FBXO30: variants seen among roughly 807,000 people sequenced by gnomAD.
FBXO30 encodes the protein F-box protein 30.
FBXO30 carries 21 observed loss-of-function variants against 58.1 expected under a neutral mutation model. That is an observed-to-expected ratio of 0.36 (90% CI 0.26 to 0.52). FBXO30 has a LOEUF of 0.52. Ranked by LOEUF, FBXO30 falls within the 20% of genes least tolerant of loss-of-function variation. FBXO30 has a pLI of 0.93. For missense variants in FBXO30, 744 were observed against 897.3 expected (o/e 0.83, Z 2.18); for synonymous variants, 309 against 312.4 (o/e 0.99, Z 0.11).
Position 145,796,955 on chromosome 6 carries a change from T to C in FBXO30, c.*3151A>G, listed in dbSNP as rs561633614. On this transcript the variant is annotated 3_prime_UTR_variant, in exon 3 of 3. Coordinates refer to ENST00000237281, the MANE Select transcript of FBXO30 (RefSeq NM_032145.5). ...GAGTCAAAGATCAAAAAAGATTCTA[T>C]ACTACTTGTAAACAAGAGATCCAAT... 3.9e-5 allele frequency: 6 copies of C among 152,070 alleles called. No homozygotes were observed. The highest frequency in any genetic ancestry group is 3.4e-3 in the Middle Eastern group (1 of 294). 9.4% of individuals were successfully genotyped at this position (152,070 alleles called of 1,614,324 possible).
rs1777823117 is a variant in FBXO30, at chr6:145,794,057, C to G, written c.*6049G>C. On this transcript the variant is annotated 3_prime_UTR_variant, in exon 3 of 3. Transcript: ENST00000237281. ...GGCACATTCACAATGTGCAACTATC[C>G]CCACTATCTTGTTCTACAATATTTT... The G allele has an allele frequency of 6.6e-6, 1 of 151,862 alleles. No homozygotes were observed. The highest frequency in any genetic ancestry group is 1.5e-5 in the Non-Finnish European group (1 of 67,846). The allele number at this position is 151,862 out of a possible 1,614,324, so 9.4% of individuals were successfully genotyped here.
Position 145,795,785 on chromosome 6 carries a change from G to A in FBXO30, c.*4321C>T, listed in dbSNP as rs1352937867. The A allele has an allele frequency of 1.3e-5, 2 of 151,760 alleles. No homozygotes were observed. The highest frequency in any genetic ancestry group is 3.0e-5 in the Non-Finnish European group (2 of 67,794). 9.4% of individuals were successfully genotyped at this position (151,760 alleles called of 1,614,324 possible). A position where few individuals can be genotyped will look rare whatever the true frequency, so the allele number is the denominator to read the frequency against. On this transcript the variant is annotated 3_prime_UTR_variant, in exon 3 of 3. Coordinates refer to ENST00000237281, the MANE Select transcript of FBXO30 (RefSeq NM_032145.5). ...TGTATCGCCATTAATACATCTCAAG[G>A]TGTACTGGCCAATTATGAAGATTAT... is the stretch of plus-strand genomic sequence containing the variant.
At chr6:145,801,016 C>T (rs1230678568) in intron 2 of FBXO30, among the ~76,000 whole-genome samples, 1 of 152,136 alleles carries the variant, frequency 6.6e-6, no homozygotes, top group Non-Finnish European at 1.5e-5. Flanking sequence ...ATATTAGCTA[C>T]TTCCCTTTTT....
Position 145,805,643 on chromosome 6 carries a change from T to C in FBXO30, c.763A>G (p.Thr255Ala), listed in dbSNP as rs769065231. Residue 255 changes from threonine (T) to alanine (A), a missense_variant, in exon 2 of 3, where the codon ACA becomes GCA. Thr to Ala is a moderately conservative substitution (Grantham distance 58). Coordinates refer to ENST00000237281, the MANE Select transcript of FBXO30 (RefSeq NM_032145.5). ...GAVGGIDYNDTNQNAQSEQNG... is the reference protein window; with the variant it reads ...GAVGGIDYNDANQNAQSEQNG... ...TGTTCAGACTGGGCATTCTGATTTGTGTCATTGTAGTCAATTCCACCTACT... is the reference window on the plus strand; with the variant it reads ...TGTTCAGACTGGGCATTCTGATTTGCGTCATTGTAGTCAATTCCACCTACT... The C allele has an allele frequency of 2.5e-6, 4 of 1,614,000 alleles. No homozygotes were observed. The African/African-American group carries it at 5.3e-5, about 22-fold the overall frequency.
chr6:145,807,285 A>T (rs1175966570), intron 1 of FBXO30, among the ~76,000 whole-genome samples: 1 of 152,250 alleles, frequency 6.6e-6, no homozygotes, highest in Non-Finnish European at 1.5e-5. Context: ...CCAATAGAGA[A>T]GATAATAATC....
At chr6:145,814,466 G>T (rs1478632415) in intron 1 of FBXO30, 137 bp downstream of exon 1, 1 of 151,934 alleles carries the variant, frequency 6.6e-6, no homozygotes, top group African/African-American at 2.4e-5. Flanking sequence ...TCTGCTCCAG[G>T]CCGGGCCCGT....
rs1052331446 is a variant in FBXO30, at chr6:145,796,994, T to G, written c.*3112A>C. On this transcript the variant is annotated 3_prime_UTR_variant, in exon 3 of 3. Transcript: ENST00000237281. The stretch of plus-strand genomic sequence containing the variant: ...AAGAGATCCAATCTTTCATAACATC[T>G]TATTGATAGGGTTGAAAAGATCCCT... 6.6e-6 allele frequency: 1 copy of G among 151,954 alleles called. No individual in the cohort carries two copies. Among genetic ancestry groups the G allele is most frequent in the Admixed American group, 6.6e-5 (1 of 15,234 alleles). The allele number at this position is 151,954 out of a possible 1,614,324, so 9.4% of individuals were successfully genotyped here. A position where few individuals can be genotyped will look rare whatever the true frequency, so the allele number is the denominator to read the frequency against.
chr6:145,808,345 G>A (rs1778240835), intron 1 of FBXO30, among the ~76,000 whole-genome samples: 1 of 151,882 alleles, frequency 6.6e-6, no homozygotes, highest in South Asian at 2.1e-4. Flanking sequence ...ACTAAATCTG[G>A]AGGCATATTT....
intron 2 of FBXO30, among the ~76,000 whole-genome samples, chr6:145,802,738 G>A (rs1778042247): frequency 6.6e-6 from 1 of 152,042 alleles, no homozygotes; most frequent in African/African-American, 2.4e-5. Context: ...AATGGAAGTA[G>A]GAACCCAGTT....
Position 145,799,964 on chromosome 6 carries a change from A to G in FBXO30, c.*142T>C, listed in dbSNP as rs751148377. 7 of 658,134 alleles carry G rather than the reference A, an allele frequency of 1.1e-5. No homozygotes were observed. Among genetic ancestry groups the G allele is most frequent in the Non-Finnish European group, 1.7e-5 (7 of 409,630 alleles). The allele number at this position is 658,134 out of a possible 1,614,324, so 40.8% of individuals were successfully genotyped here. A position where few individuals can be genotyped will look rare whatever the true frequency, so the allele number is the denominator to read the frequency against. On this transcript the variant is annotated 3_prime_UTR_variant, in exon 3 of 3. Coordinates refer to ENST00000237281, the MANE Select transcript of FBXO30 (RefSeq NM_032145.5). Reference sequence around the variant, plus strand: ...TTCCAACTAAACAGTACTTTATAAAAATAGATGTCACTTCAAAACATTATA... The same window carrying G: ...TTCCAACTAAACAGTACTTTATAAAGATAGATGTCACTTCAAAACATTATA...
chr6:145,806,145 C>G lies in FBXO30; in HGVS notation c.261G>C (p.Val87=). Reference sequence around the variant, plus strand: ...GATTCCATTCCATAGTACAGCACACCACACTTGCAGGACACATTTCTAGAT... The same window carrying G: ...GATTCCATTCCATAGTACAGCACACGACACTTGCAGGACACATTTCTAGAT... ...AEHLEMCPAS[V]VCCTMEWNRW... is the part of the protein sequence containing the mutation. The change falls in exon 2 of 3, where the codon GTG becomes GTC. Residue 87 remains valine, a synonymous_variant. Coordinates refer to ENST00000237281, the MANE Select transcript of FBXO30 (RefSeq NM_032145.5). 3 of 1,614,084 alleles carry G rather than the reference C, an allele frequency of 1.9e-6. No homozygotes were observed. The highest frequency in any genetic ancestry group is 2.5e-6 in the Non-Finnish European group (3 of 1,180,002).
chr6:145,805,218 A>T lies in FBXO30; in HGVS notation c.1188T>A (p.Cys396Ter). The change falls in exon 2 of 3, where the codon TGT (cysteine) becomes TGA (stop). Residue 396 changes from cysteine (C) to a stop codon, truncating the protein, a stop_gained. Transcript: ENST00000237281. LOFTEE classifies it high-confidence loss of function. ...APSFNFLSNS[C>*]WSKPKEDKAV... ...CTTTATCTTCCTTTGGTTTAGACCAACATGAATTAGAAAGAAAATTGAATG... is the reference window on the plus strand; with the variant it reads ...CTTTATCTTCCTTTGGTTTAGACCATCATGAATTAGAAAGAAAATTGAATG... 1 of 1,614,050 alleles carries T rather than the reference A, an allele frequency of 6.2e-7. No individual in the cohort carries two copies. The highest frequency in any genetic ancestry group is 8.5e-7 in the Non-Finnish European group (1 of 1,179,950).
intron 2 of FBXO30, among the ~76,000 whole-genome samples, chr6:145,802,551 T>C (rs112116139): frequency 6.1e-4 from 93 of 152,278 alleles, no homozygotes; most frequent in African/African-American, 2.1e-3. Context: ...AGTGAAAAGA[T>C]AAAGATGAGA....
At chr6:145,802,191 C>T (rs1230876039) in intron 2 of FBXO30, among the ~76,000 whole-genome samples, 1 of 152,076 alleles carries the variant, frequency 6.6e-6, no homozygotes, top group East Asian at 1.9e-4. Flanking sequence ...GAACACAAAG[C>T]AGTGCAACAA....
chr6:145,814,419 C>T (rs991653619), intron 1 of FBXO30, among the ~76,000 whole-genome samples, 184 bp downstream of exon 1: 1 of 152,068 alleles, frequency 6.6e-6, no homozygotes, highest in Non-Finnish European at 1.5e-5. Flanking sequence ...GGACGGCCGA[C>T]CCGGGACGCG....
At chr6:145,802,469 CTT>C (rs924739342) in intron 2 of FBXO30, among the ~76,000 whole-genome samples, 3 of 152,044 alleles carry the variant, frequency 2.0e-5, no homozygotes, top group Non-Finnish European at 2.9e-5. Context: ...ATTTTAAAGA[CTT>C]AACGCAAGAA....
At position 145,805,066 on chromosome 6, in the gene FBXO30, C is replaced by A. The variant is rs374826187; in HGVS notation, c.1340G>T (p.Arg447Leu). 2 of 1,613,946 alleles carry A rather than the reference C, an allele frequency of 1.2e-6. No individual in the cohort carries two copies. Among genetic ancestry groups the A allele is most frequent in the East Asian group, 2.2e-5 (1 of 44,876 alleles). The stretch of plus-strand genomic sequence containing the variant: ...GTCAATGTGATAAATATCAGCCATG[C>A]GGCTATCAGATATACCCCTCCCTCC... ...SPGGRGISDS[R>L]MADIYHIDVG... Residue 447 changes from arginine (R) to leucine (L), a missense_variant, in exon 2 of 3, where the codon CGC (arginine) becomes CTC (leucine). Arg to Leu is a moderately radical substitution (Grantham distance 102, BLOSUM62 -2). This residue lies in a region of FBXO30 where 334 missense variants were observed against 433.7 expected (regional missense o/e 0.77). Coordinates refer to ENST00000237281, the MANE Select transcript of FBXO30 (RefSeq NM_032145.5).
At position 145,805,996 on chromosome 6, in the gene FBXO30, T is replaced by C; in HGVS notation, c.410A>G (p.Lys137Arg). The C allele has an allele frequency of 6.2e-7, 1 of 1,614,084 alleles. No homozygotes were observed. Among genetic ancestry groups the C allele is most frequent in the Non-Finnish European group, 8.5e-7 (1 of 1,179,976 alleles). The stretch of plus-strand genomic sequence containing the variant: ...TGCTTTTGACATCATGGTGGCTACT[T>C]TGAGGGATTCTAAGAGCATCCTTTG... ...QDQRMLLESL[K>R]VATMMSKATD... is the part of the protein sequence containing the mutation. Residue 137 changes from lysine (K) to arginine (R), a missense_variant, in exon 2 of 3, where the codon AAA (lysine) becomes AGA (arginine). Physicochemically the swap from Lys to Arg is conservative, Grantham distance 26 (BLOSUM62 2). Transcript: ENST00000237281.
In FBXO30 at chr6:145,805,279, T is replaced by C. The variant is rs760378775; in HGVS notation, c.1127A>G (p.Lys376Arg). ...ACTGAAAGATAAGACATCCACATTC[T>C]TCACGTCCCCTAAGTCTACTTTTTT... ...CWKKVDLGDV[K>R]NVDVLSFSHA... The change falls in exon 2 of 3, where the codon AAG becomes AGG. Residue 376 changes from lysine (K) to arginine (R), a missense_variant. Lys to Arg is a conservative substitution (Grantham distance 26, BLOSUM62 2). Around this residue, in one of 3 missense-constraint regions of FBXO30, gnomAD observed 275 missense variants for 262.0 expected, o/e 1.05. Transcript: ENST00000237281. The C allele has an allele frequency of 1.5e-5, 25 of 1,614,110 alleles. No individual in the cohort carries two copies. The South Asian group carries it at 2.4e-4, about 16-fold the overall frequency.
Sources: allele counts gnomAD v4.1 joint callset (sites outside exome capture counted in the v4.1 genomes callset), GRCh38; gene constraint gnomAD v4.1.1; regional missense constraint gnomAD v4.1.1; transcripts MANE v1.5; gene names NCBI Gene and HGNC (gene_info 2026-07-23, HGNC 2026-07-21).